The following GRM8 variants were observed in gnomAD, a reference collection of about 807,000 sequenced individuals.
GRM8 encodes the protein metabotropic glutamate receptor 8.
Under a neutral mutation model 87.2 loss-of-function variants are expected in GRM8, and 47 were observed. The observed-to-expected ratio is 0.54, with a 90% CI of 0.43 to 0.69. The LOEUF (loss-of-function observed/expected upper bound fraction) is 0.69, where lower values mean the gene tolerates loss of function less well. Ranked by LOEUF, GRM8 falls within the 30% of genes least tolerant of loss-of-function variation. The pLI is 0.00. For synonymous variants in GRM8, 396 were observed against 404.5 expected (o/e 0.98, Z 0.25); for missense variants, 1,019 against 1,139.2 (o/e 0.89, Z 1.52).
chr7:126,830,819 C>T (rs1406954990), intron 6 of GRM8, among the ~76,000 whole-genome samples: 1 of 152,044 alleles, frequency 6.6e-6, no homozygotes, highest in African/African-American at 2.4e-5. Flanking sequence ...CTGTTTTTTC[C>T]CCATCTTTGT....
intron 6 of GRM8, among the ~76,000 whole-genome samples, chr7:126,864,745 T>G (rs1244595450): frequency 1.3e-5 from 2 of 152,206 alleles, no homozygotes; most frequent in Non-Finnish European, 2.9e-5. Flanking sequence ...ATTGCAATTT[T>G]TTTTACTATG....
intron 3 of GRM8, among the ~76,000 whole-genome samples, chr7:126,942,229 TA>T (rs1209184676): frequency 6.6e-6 from 1 of 152,240 alleles, no homozygotes; most frequent in Non-Finnish European, 1.5e-5. Context: ...ACCTATTTTT[TA>T]AGTGTCAAAA....
intron 3 of GRM8, among the ~76,000 whole-genome samples, chr7:126,926,242 A>C (rs2518951): frequency 0.78 from 117,820 of 151,562 alleles, 46,231 homozygotes; most frequent in East Asian, 0.97. Context: ...AGCTCATAGA[A>C]ATGTAAAAGA....
chr7:126,558,381 A>ATG (rs1793368114), intron 8 of GRM8, among the ~76,000 whole-genome samples: 3 of 152,200 alleles, frequency 2.0e-5, no homozygotes, highest in Non-Finnish European at 2.9e-5. Flanking sequence ...GTGTATATAC[A>ATG]TGTATATATA....
chr7:127,122,014 A>G (rs1827117838), intron 2 of GRM8, among the ~76,000 whole-genome samples: 1 of 152,218 alleles, frequency 6.6e-6, no homozygotes, highest in African/African-American at 2.4e-5. Flanking sequence ...TTGATATCAA[A>G]GAAAAAAAGT....
At position 126,441,081 on chromosome 7, in the gene GRM8, G is replaced by A. The variant is rs539270380; in HGVS notation, c.2678-1913C>T. 6.6e-5 allele frequency among the ~76,000 whole-genome samples: 10 copies of A among 152,036 alleles called. No individual in the cohort carries two copies. In the South Asian group the frequency reaches 2.1e-3, roughly 32 times the overall value. On this transcript the variant is annotated intron_variant, in intron 10 of 10. Coordinates refer to ENST00000339582, the MANE Select transcript of GRM8 (RefSeq NM_000845.3). Reference sequence around the variant, plus strand: ...TAAGTCAAAGACCTCAATTCTTAGAGGCTGATGTAATGACCAAGAAAGGTA... The same window carrying A: ...TAAGTCAAAGACCTCAATTCTTAGAAGCTGATGTAATGACCAAGAAAGGTA...
rs1446778919 is a variant in GRM8 at position 126,533,168 on chromosome 7, T to TC, written c.2213dup (p.Val739SerfsTer5). On this transcript the variant is annotated frameshift_variant, in exon 9 of 11. Transcript: ENST00000339582. LOFTEE classifies it high-confidence loss of function. ...GATCAGAAATGTCACACTTGAGCAC[T>TC]CCCCTGGCCTTCTCTGGATCTAGTG... 1 of 1,612,424 alleles carries TC rather than the reference T, an allele frequency of 6.2e-7. No homozygotes were observed.
chr7:126,679,652 A>C (rs968595526), intron 7 of GRM8, among the ~76,000 whole-genome samples: 7 of 152,212 alleles, frequency 4.6e-5, no homozygotes, highest in African/African-American at 1.7e-4. Context: ...GAGAAGTACA[A>C]GATGCTGAAA....
intron 6 of GRM8, among the ~76,000 whole-genome samples, chr7:126,894,834 T>C (rs1322413233): frequency 6.6e-6 from 1 of 152,036 alleles, no homozygotes; most frequent in Non-Finnish European, 1.5e-5. Flanking sequence ...CTACAGGGCT[T>C]TAGACAACCA....
chr7:126,778,722 T>C (rs1819729462), intron 6 of GRM8, among the ~76,000 whole-genome samples: 1 of 152,138 alleles, frequency 6.6e-6, no homozygotes, highest in Admixed American at 6.6e-5. Context: ...AATTCAAATT[T>C]GGGCCTGGAA....
At chr7:127,056,489 A>T (rs1236602618) in intron 3 of GRM8, among the ~76,000 whole-genome samples, 1 of 152,184 alleles carries the variant, frequency 6.6e-6, no homozygotes, top group East Asian at 1.9e-4. Flanking sequence ...TCTACTGTCA[A>T]TGTCTTAAAA....
intron 3 of GRM8, among the ~76,000 whole-genome samples, chr7:126,936,356 G>T (rs1164764115): frequency 6.6e-6 from 1 of 152,086 alleles, no homozygotes. Flanking sequence ...TTAGGAAAGA[G>T]AAAGTATTTA....
chr7:126,935,580 C>CA (rs1806228980), intron 3 of GRM8, among the ~76,000 whole-genome samples: 1 of 152,096 alleles, frequency 6.6e-6, no homozygotes, highest in Admixed American at 6.6e-5. Flanking sequence ...AGACAAAGGC[C>CA]AGAGCATCAG....
chr7:126,542,996 A>G (rs983932389), intron 8 of GRM8, among the ~76,000 whole-genome samples: 2 of 152,176 alleles, frequency 1.3e-5, no homozygotes, highest in African/African-American at 4.8e-5. Context: ...GATGGGATCT[A>G]GTTTTCTGAT....
chr7:126,977,091 C>T (rs1310898457), intron 3 of GRM8, among the ~76,000 whole-genome samples: 1 of 152,108 alleles, frequency 6.6e-6, no homozygotes, highest in Non-Finnish European at 1.5e-5. Flanking sequence ...TCGTGTGCCT[C>T]CTCATTTTCA....
At chr7:126,477,322 G>C (rs910187843) in intron 9 of GRM8, among the ~76,000 whole-genome samples, 1 of 151,948 alleles carries the variant, frequency 6.6e-6, no homozygotes, top group Non-Finnish European at 1.5e-5. Flanking sequence ...TAATGTGGCA[G>C]CATGGTGACT....
chr7:126,669,289 CA>C (rs1806131765), intron 7 of GRM8, among the ~76,000 whole-genome samples: 1 of 151,026 alleles, frequency 6.6e-6, no homozygotes, highest in South Asian at 2.1e-4. Context: ...ACCTATGTAA[CA>C]AACCTACACA....
chr7:126,521,051 C>G (rs987877936), intron 9 of GRM8, among the ~76,000 whole-genome samples: 1 of 152,054 alleles, frequency 6.6e-6, no homozygotes, highest in Admixed American at 6.6e-5. Flanking sequence ...ATGACAGGCT[C>G]ACTATCTACC....
intron 2 of GRM8, among the ~76,000 whole-genome samples, chr7:127,166,761 T>A (rs182772293): frequency 1.3e-5 from 2 of 152,306 alleles, no homozygotes; most frequent in East Asian, 3.9e-4. Flanking sequence ...TTTTGCACTC[T>A]CACATCCTTA....
Sources: gnomAD v4.1 joint callset for allele counts (sites outside exome capture counted in the v4.1 genomes callset) on GRCh38, gnomAD v4.1.1 for gene constraint, MANE v1.5 for transcripts, NCBI Gene and HGNC (gene_info 2026-07-23, HGNC 2026-07-21) for gene names.